Variants in LRRK2 observed in about 807,000 individuals in gnomAD.
The protein encoded by LRRK2 is leucine rich repeat kinase 2.
A neutral mutation model predicts 302.6 loss-of-function variants in LRRK2; 203 were observed. The ratio of observed to expected loss-of-function variants is 0.67; its 90% CI spans 0.60 to 0.75. The LOEUF (loss-of-function observed/expected upper bound fraction) is 0.75. Ranked by LOEUF, LRRK2 falls within the 30% of genes least tolerant of loss-of-function variation. The probability of loss-of-function intolerance (pLI) is 0.00; values close to 1 mark genes in which losing one functional copy is unlikely to be tolerated. For missense variants in LRRK2, 2,830 were observed against 2,951.0 expected, an observed-to-expected ratio of 0.96 and a Z score of 0.95; for synonymous variants, 1,066 against 1,031.9, an observed-to-expected ratio of 1.03 and a Z score of -0.63.
intron 10 of LRRK2, among the ~76,000 whole-genome samples, chr12:40,252,357 G>A: frequency 6.6e-6 from 1 of 152,150 alleles, no homozygotes; most frequent in East Asian, 1.9e-4. Context: ...ATTTTGACAA[G>A]AAACAGTAAT....
At position 40,351,620 on chromosome 12, in the gene LRRK2, A is replaced by T. The variant is rs201614703; in HGVS notation, c.6463A>T (p.Met2155Leu). 1.1e-5 allele frequency: 17 copies of T among 1,614,108 alleles called. No homozygotes were observed. The highest frequency in any genetic ancestry group is 1.2e-5 in the Non-Finnish European group (14 of 1,180,044). Reference sequence around the variant, plus strand: ...ACCTAAAAACGTAATTGTTGAATGCATGGTTGCTACACATCACAACAGCAG... The same window carrying T: ...ACCTAAAAACGTAATTGTTGAATGCTTGGTTGCTACACATCACAACAGCAG... ...LLPKNVIVECMVATHHNSRNA... is the reference protein window; with the variant it reads ...LLPKNVIVECLVATHHNSRNA... The change falls in exon 44 of 51, where the codon ATG becomes TTG. Residue 2155 changes from methionine (M) to leucine (L), a missense_variant. Met to Leu is a conservative substitution (Grantham distance 15, BLOSUM62 2). Transcript: ENST00000298910.
At chr12:40,300,703 C>T (rs1321343449) in intron 25 of LRRK2, 2 of 440,032 alleles carry the variant, frequency 4.5e-6, no homozygotes, top group East Asian at 7.1e-5. Flanking sequence ...AAAGCAAACT[C>T]GGTCTCTGTC....
At chr12:40,364,744 G>A in intron 48 of LRRK2, 98 bp from the exon 49 acceptor site, 1 of 1,050,694 alleles carries the variant, frequency 9.5e-7, no homozygotes, top group South Asian at 1.4e-5. Context: ...GTGGTGTCAT[G>A]TTTTAATAAT....
intron 25 of LRRK2, among the ~76,000 whole-genome samples, chr12:40,300,410 A>G (rs1424571226): frequency 6.6e-6 from 1 of 152,216 alleles, no homozygotes; most frequent in Non-Finnish European, 1.5e-5. Context: ...CTTCCTTCAT[A>G]GAGAATACTC....
Position 40,314,079 on chromosome 12 carries a change from T to G in LRRK2, c.4644T>G (p.Ile1548Met). The part of the protein sequence containing the change: ...RKNVPIEFPV[I>M]DRKRLLQLVR... ...ATGTGCCAATTGAATTTCCCGTAAT[T>G]GACCGGAAACGATTATTACAACTAG... The change falls in exon 32 of 51, where the codon ATT becomes ATG. Residue 1548 changes from isoleucine (I) to methionine (M), a missense_variant. By Grantham distance (10) the Ile-to-Met change is conservative. Around this residue, in one of 3 missense-constraint regions of LRRK2, gnomAD observed 2,121 missense variants for 2,148.0 expected, o/e 0.99. Coordinates refer to ENST00000298910, the MANE Select transcript of LRRK2 (RefSeq NM_198578.4). The G allele has an allele frequency of 6.2e-7, 1 of 1,612,776 alleles. No homozygotes were observed. Among genetic ancestry groups the G allele is most frequent in the African/African-American group, 1.3e-5 (1 of 74,968 alleles).
At chr12:40,247,439 T>C (rs1942033319) in intron 7 of LRRK2, among the ~76,000 whole-genome samples, 1 of 149,110 alleles carries the variant, frequency 6.7e-6, no homozygotes, top group Non-Finnish European at 1.5e-5. Context: ...TCTACTTATA[T>C]ACTGTATATA....
chr12:40,335,059 C>T lies in LRRK2; in HGVS notation c.5850C>T (p.Ala1950=), dbSNP rs1945827299. Residue 1950 remains alanine, a synonymous_variant, in exon 40 of 51, where the codon GCC becomes GCT. Coordinates refer to ENST00000298910, the MANE Select transcript of LRRK2 (RefSeq NM_198578.4). The stretch of plus-strand genomic sequence containing the variant: ...CCCGGATGTTGGTGATGGAGTTAGC[C>T]TCCAAGGGTTCCTTGGATCGCCTGC... The part of the protein sequence containing the change: ...IRPRMLVMEL[A]SKGSLDRLLQ... The T allele has an allele frequency of 6.2e-7, 1 of 1,614,120 alleles. No individual in the cohort carries two copies. Among genetic ancestry groups the T allele is most frequent in the Non-Finnish European group, 8.5e-7 (1 of 1,180,004 alleles).
chr12:40,236,656 C>T (rs778691816), intron 4 of LRRK2, among the ~76,000 whole-genome samples: 46 of 151,870 alleles, frequency 3.0e-4, no homozygotes, highest in Non-Finnish European at 5.0e-4. Context: ...AGAGGCTGGA[C>T]GTGTGATTGG....
intron 2 of LRRK2, among the ~76,000 whole-genome samples, chr12:40,230,269 T>C (rs1209662251): frequency 6.6e-6 from 1 of 152,150 alleles, no homozygotes; most frequent in Non-Finnish European, 1.5e-5. Flanking sequence ...TGTAAAGAGA[T>C]CTTGAGTAAT....
chr12:40,343,151 A>G (rs1328275032), intron 41 of LRRK2, among the ~76,000 whole-genome samples: 1 of 152,208 alleles, frequency 6.6e-6, no homozygotes, highest in East Asian at 1.9e-4. Context: ...GACAGAAACA[A>G]TGCAATTATT....
chr12:40,319,395 A>T (rs1373343478), intron 33 of LRRK2, among the ~76,000 whole-genome samples: 1 of 152,040 alleles, frequency 6.6e-6, no homozygotes, highest in South Asian at 2.1e-4. Flanking sequence ...CAAAGCTCAA[A>T]GTGTGATCTC....
intron 18 of LRRK2, among the ~76,000 whole-genome samples, chr12:40,281,265 A>G (rs1456336927): frequency 1.3e-5 from 2 of 152,228 alleles, no homozygotes; most frequent in East Asian, 3.9e-4. Context: ...GCAAGTGAGA[A>G]GCTGAGGCAC....
intron 18 of LRRK2, among the ~76,000 whole-genome samples, chr12:40,280,794 C>T (rs1006667843): frequency 2.0e-5 from 3 of 151,072 alleles, no homozygotes; most frequent in African/African-American, 4.9e-5. Context: ...CGGTCGGGTG[C>T]GGTGGCTCAC....
chr12:40,338,013 A>G (rs535407988), intron 40 of LRRK2, among the ~76,000 whole-genome samples: 6 of 152,290 alleles, frequency 3.9e-5, no homozygotes, highest in Admixed American at 1.3e-4. Context: ...AGCTTCTCCA[A>G]CTTGTGTTTC....
intron 8 of LRRK2, 114 bp downstream of exon 8, chr12:40,250,059 T>C (rs897873185): frequency 7.7e-7 from 1 of 1,300,380 alleles, no homozygotes. Flanking sequence ...TTTTCTGTCC[T>C]GTGTAGCTCA....
chr12:40,293,563 T>C lies in LRRK2; in HGVS notation c.2708T>C (p.Leu903Pro), dbSNP rs778063409. 3 of 1,607,330 alleles carry C rather than the reference T, an allele frequency of 1.9e-6. No homozygotes were observed. Among genetic ancestry groups the C allele is most frequent in the Non-Finnish European group, 2.6e-6 (3 of 1,174,988 alleles). The change falls in exon 21 of 51, where the codon CTT becomes CCT. Residue 903 changes from leucine (L) to proline (P), a missense_variant. Physicochemically the swap from Leu to Pro is moderately conservative, Grantham distance 98 (BLOSUM62 -3). This residue lies in a region of LRRK2 where 2,121 missense variants were observed against 2,148.0 expected (regional missense o/e 0.99). Coordinates refer to ENST00000298910, the MANE Select transcript of LRRK2 (RefSeq NM_198578.4). ...LDSEGSEGSF[L>P]VKKKSNSISV... ...AAAATAGGAAGTGAAGGCTCATTTC[T>C]TGTGAAAAAGAAATCTAATTCAATT...
intron 18 of LRRK2, among the ~76,000 whole-genome samples, chr12:40,278,640 T>C (rs1943559871): frequency 1.3e-5 from 2 of 152,184 alleles, no homozygotes; most frequent in African/African-American, 4.8e-5. Flanking sequence ...CCTAGAAAGT[T>C]CTCCCCTGAG....
chr12:40,296,230 A>G (rs1248661612), intron 23 of LRRK2, among the ~76,000 whole-genome samples: 4 of 152,212 alleles, frequency 2.6e-5, no homozygotes, highest in Non-Finnish European at 5.9e-5. Context: ...TAGCTCTCTG[A>G]AAATTGACTT....
intron 41 of LRRK2, among the ~76,000 whole-genome samples, chr12:40,344,700 GAT>G (rs1194377702): frequency 6.6e-6 from 1 of 151,970 alleles, no homozygotes; most frequent in Non-Finnish European, 1.5e-5. Context: ...CTTTATTAGG[GAT>G]ATGTTTTATC....
Sources: allele counts gnomAD v4.1 joint callset (sites outside exome capture counted in the v4.1 genomes callset), GRCh38; gene constraint gnomAD v4.1.1; regional missense constraint gnomAD v4.1.1; transcripts MANE v1.5; gene names NCBI Gene and HGNC (gene_info 2026-07-23, HGNC 2026-07-21).